The following HMGB1 variants were observed in gnomAD, a reference collection of about 807,000 sequenced individuals.
HMGB1 encodes high mobility group box 1.
For synonymous variants in HMGB1, 81 were observed against 84.0 expected (o/e 0.96, Z 0.19); for missense variants, 79 against 253.5 (o/e 0.31, Z 4.67).
Position 30,563,530 on chromosome 13 carries a change from G to A in HMGB1, c.-15+53141C>T, listed in dbSNP as rs936945227. ...AAGCTGAGGTGGGAGGATCACTTGA[G>A]CCCAAGCAGGTTGAGGCTGCAGCGT... On this transcript the variant is annotated intron_variant, in intron 1 of 4. Transcript: ENST00000405805. Among the ~76,000 whole-genome samples the A allele has an allele frequency of 3.9e-5, 6 of 152,088 alleles. No homozygotes were observed. The South Asian group carries it at 6.2e-4, about 16-fold the overall frequency.
intron 1 of HMGB1, among the ~76,000 whole-genome samples, chr13:30,501,362 T>A (rs1039899817): frequency 1.3e-5 from 2 of 152,166 alleles, no homozygotes; most frequent in African/African-American, 4.8e-5. Context: ...TAGTTTAGTT[T>A]AGTTTAGAGA....
intron 1 of HMGB1, among the ~76,000 whole-genome samples, chr13:30,495,354 C>T (rs1171212191): frequency 1.3e-5 from 2 of 152,176 alleles, no homozygotes; most frequent in African/African-American, 4.8e-5. Context: ...TCCTTTTGAA[C>T]AACTCTAATT....
chr13:30,507,744 A>C (rs1464131893), intron 1 of HMGB1, among the ~76,000 whole-genome samples: 1 of 152,206 alleles, frequency 6.6e-6, no homozygotes, highest in African/African-American at 2.4e-5. Flanking sequence ...TTGGAATCCC[A>C]GCTGCTTGGG....
At chr13:30,611,867 C>T (rs1193662839) in intron 1 of HMGB1, among the ~76,000 whole-genome samples, 1 of 146,536 alleles carries the variant, frequency 6.8e-6, no homozygotes, top group Non-Finnish European at 1.5e-5. Flanking sequence ...AAAAAAAAAG[C>T]CATTGATGAA....
chr13:30,584,460 C>T (rs905001454), intron 1 of HMGB1, among the ~76,000 whole-genome samples: 2 of 152,150 alleles, frequency 1.3e-5, no homozygotes, highest in Non-Finnish European at 2.9e-5. Flanking sequence ...TAAAGATTTC[C>T]TTAGTATGTG....
rs942332627 is a variant in HMGB1, at chr13:30,457,513, G to C, written c.*3844C>G. 1 of 152,160 alleles carries C rather than the reference G, an allele frequency of 6.6e-6. No homozygotes were observed. The highest frequency in any genetic ancestry group is 2.4e-5 in the African/African-American group (1 of 41,424). The allele number at this position is 152,160 out of a possible 1,614,324, so 9.4% of individuals were successfully genotyped here. A position where few individuals can be genotyped will look rare whatever the true frequency, so the allele number is the denominator to read the frequency against. On this transcript the variant is annotated 3_prime_UTR_variant, in exon 5 of 5. Transcript: ENST00000341423. ...CGGGAGGATTGTTTGAGCAGATTTGGAGACCAACCTGGGCAACATAGAGAT... is the reference window on the plus strand; with the variant it reads ...CGGGAGGATTGTTTGAGCAGATTTGCAGACCAACCTGGGCAACATAGAGAT...
Position 30,459,675 on chromosome 13 carries a change from C to G in HMGB1, c.*1682G>C, listed in dbSNP as rs1886186038. 6.6e-6 allele frequency: 1 copy of G among 152,106 alleles called. No homozygotes were observed. The highest frequency in any genetic ancestry group is 1.5e-5 in the Non-Finnish European group (1 of 67,978). The allele number at this position is 152,106 out of a possible 1,614,324, so 9.4% of individuals were successfully genotyped here. Reference sequence around the variant, plus strand: ...CGAATACTTGCAATGTTTGACAAAACCTTTTATCAGCCCATTAACCTATTT... The same window carrying G: ...CGAATACTTGCAATGTTTGACAAAAGCTTTTATCAGCCCATTAACCTATTT... On this transcript the variant is annotated 3_prime_UTR_variant, in exon 5 of 5. Transcript: ENST00000341423.
At chr13:30,477,843 G>T (rs576865456) in intron 1 of HMGB1, among the ~76,000 whole-genome samples, 6 of 152,080 alleles carry the variant, frequency 3.9e-5, no homozygotes, top group Non-Finnish European at 7.4e-5. Context: ...AAGTTACCAG[G>T]CCTCTTTGTT....
At chr13:30,592,862 GCTTT>G (rs1555243776) in intron 1 of HMGB1, among the ~76,000 whole-genome samples, 3 of 145,050 alleles carry the variant, frequency 2.1e-5, no homozygotes, top group Non-Finnish European at 4.5e-5. Flanking sequence ...AAAATTTAGT[GCTTT>G]TTTTTAAAAA....
In HMGB1 at chr13:30,504,389, A is replaced by G. The variant is rs548550902; in HGVS notation, c.-14-40695T>C. On this transcript the variant is annotated intron_variant, in intron 1 of 4. Transcript: ENST00000405805. ...ATCTGAAATTTGTTTTTCACGCTTA[A>G]TATTGCTAAGCATATTTTCAGTGCT... is the stretch of plus-strand genomic sequence containing the variant. Among the ~76,000 whole-genome samples, 5 of 152,328 alleles carry G rather than the reference A, an allele frequency of 3.3e-5. No homozygotes were observed. The East Asian group carries it at 5.8e-4, about 18-fold the overall frequency.
chr13:30,511,390 G>C (rs1887989508), intron 1 of HMGB1, among the ~76,000 whole-genome samples: 2 of 152,112 alleles, frequency 1.3e-5, no homozygotes, highest in Non-Finnish European at 2.9e-5. Context: ...GTTTAAAGGA[G>C]CCTGGCACCT....
chr13:30,492,994 CAAAAAAA>C (rs1022752871), intron 1 of HMGB1, among the ~76,000 whole-genome samples: 5 of 40,432 alleles, frequency 1.2e-4, no homozygotes, highest in African/African-American at 3.1e-4. Context: ...GACTACATCT[CAAAAAAA>C]AAAAAAAAAA....
intron 1 of HMGB1, among the ~76,000 whole-genome samples, chr13:30,591,307 CAGGTGTGA>C (rs772124371): frequency 2.0e-5 from 3 of 152,090 alleles, no homozygotes; most frequent in Non-Finnish European, 4.4e-5. Context: ...GCTGGGATTA[CAGGTGTGA>C]ACCATCGCGC....
At chr13:30,482,694 C>A (rs2137432487) in intron 1 of HMGB1, among the ~76,000 whole-genome samples, 1 of 152,142 alleles carries the variant, frequency 6.6e-6, no homozygotes, top group East Asian at 1.9e-4. Context: ...AGATGCACTC[C>A]AAAGGTAGCA....
chr13:30,569,254 A>G (rs9579606), intron 1 of HMGB1, among the ~76,000 whole-genome samples: 34,184 of 152,160 alleles, frequency 0.22, 10,344 homozygotes, highest in African/African-American at 0.69. Flanking sequence ...GTACCTATGA[A>G]TTATATGATT....
At chr13:30,464,793 G>C (rs1319501366) in intron 1 of HMGB1, 1 of 209,852 alleles carries the variant, frequency 4.8e-6, no homozygotes, top group African/African-American at 2.4e-5. Flanking sequence ...GTGTGTATGA[G>C]AGAGTGTGTG....
intron 1 of HMGB1, among the ~76,000 whole-genome samples, chr13:30,579,789 A>G (rs1021375707): frequency 6.6e-6 from 1 of 152,196 alleles, no homozygotes; most frequent in African/African-American, 2.4e-5. Context: ...AGAGAGTTAA[A>G]AATTAGTTTC....
intron 1 of HMGB1, among the ~76,000 whole-genome samples, chr13:30,585,193 G>A (rs1048263921): frequency 6.6e-6 from 1 of 150,436 alleles, no homozygotes; most frequent in Admixed American, 6.6e-5. Flanking sequence ...TGCACCTGTA[G>A]TCCCAGCTAC....
intron 1 of HMGB1, among the ~76,000 whole-genome samples, chr13:30,501,301 A>T (rs144474387): frequency 1.3e-5 from 2 of 152,316 alleles, no homozygotes; most frequent in Admixed American, 1.3e-4. Context: ...ATTTAGAACA[A>T]GAGTTATTAA....
Sources: gnomAD v4.1 joint callset for allele counts (sites outside exome capture counted in the v4.1 genomes callset) on GRCh38, gnomAD v4.1.1 for gene constraint, MANE v1.5 for transcripts, NCBI Gene and HGNC (gene_info 2026-07-23, HGNC 2026-07-21) for gene names.